Variants in VAV3 observed in about 807,000 individuals in gnomAD.
VAV3 encodes the protein vav guanine nucleotide exchange factor 3.
VAV3 carries 94 observed loss-of-function variants against 131.2 expected under a neutral mutation model. The observed-to-expected ratio is 0.72, with a 90% CI of 0.61 to 0.85. The LOEUF is 0.85. Among genes scored for constraint, VAV3 ranks in the 40% least tolerant of loss-of-function variants. VAV3 has a pLI of 0.00. For missense variants in VAV3, 939 were observed against 1,002.7 expected, an observed-to-expected ratio of 0.94 and a Z score of 0.86; for synonymous variants, 349 against 342.0, an observed-to-expected ratio of 1.02 and a Z score of -0.22.
At chr1:107,898,645 T>C (rs1671719386) in intron 1 of VAV3, among the ~76,000 whole-genome samples, 1 of 152,216 alleles carries the variant, frequency 6.6e-6, no homozygotes. Flanking sequence ...TAATATGTTT[T>C]ATTACACTTA....
chr1:107,934,514 C>T (rs1673615201), intron 1 of VAV3, among the ~76,000 whole-genome samples: 1 of 152,152 alleles, frequency 6.6e-6, no homozygotes, highest in African/African-American at 2.4e-5. Flanking sequence ...GTATTAGCAA[C>T]AATTACTTAA....
Position 107,853,578 on chromosome 1 carries a change from C to CA in VAV3, c.321+21322dup, listed in dbSNP as rs902524690. 8.3e-3 allele frequency among the ~76,000 whole-genome samples: 1,140 copies of CA among 136,574 alleles called. 13 individuals carry two copies. The highest frequency in any genetic ancestry group is 0.016 in the African/African-American group (599 of 37,230). The allele number at this position is 136,574 out of a possible 152,430, so 89.6% of individuals were successfully genotyped here. ...AGATCCTCCCCCATCCCTCAAGAAC[C>CA]AAAAAAAAAAAATTCATTTATAGTG... is the stretch of plus-strand genomic sequence containing the variant. On this transcript the variant is annotated intron_variant, in intron 2 of 26. Coordinates refer to ENST00000370056, the MANE Select transcript of VAV3 (RefSeq NM_006113.5).
intron 2 of VAV3, among the ~76,000 whole-genome samples, chr1:107,800,218 T>G (rs527541420): frequency 6.6e-6 from 1 of 152,280 alleles, no homozygotes; most frequent in South Asian, 2.1e-4. Context: ...GTCAGTAATA[T>G]AAGTGCTAGG....
Position 107,951,811 on chromosome 1 carries a change from C to CAA in VAV3, c.204+12853_204+12854dup, listed in dbSNP as rs57472214. On this transcript the variant is annotated intron_variant, in intron 1 of 26. Transcript: ENST00000370056. ...GTCAGAATGGCTATTATCAAAAAGT[C>CAA]AAAAAAAAAAACATGCTGACAAGAT... 8.8e-3 allele frequency among the ~76,000 whole-genome samples: 1,268 copies of CAA among 143,470 alleles called. 9 individuals carry two copies. Among genetic ancestry groups the CAA allele is most frequent in the Middle Eastern group, 0.036 (10 of 280 alleles). The allele number at this position is 143,470 out of a possible 152,430, so 94.1% of individuals were successfully genotyped here.
chr1:107,631,580 A>G (rs1476419966), intron 20 of VAV3, among the ~76,000 whole-genome samples: 3 of 148,180 alleles, frequency 2.0e-5, no homozygotes, highest in Non-Finnish European at 4.5e-5. Context: ...GCACCCATTA[A>G]CTCGTCATTT....
intron 25 of VAV3, among the ~76,000 whole-genome samples, 174 bp downstream of exon 25, chr1:107,596,038 T>C (rs1471263992): frequency 6.6e-6 from 1 of 152,188 alleles, no homozygotes; most frequent in Non-Finnish European, 1.5e-5. Context: ...TAATTAGACA[T>C]GTTCACAAGC....
At chr1:107,883,363 C>A (rs928901486) in intron 1 of VAV3, among the ~76,000 whole-genome samples, 4 of 152,158 alleles carry the variant, frequency 2.6e-5, no homozygotes, top group African/African-American at 9.7e-5. Context: ...GTAAAGAATA[C>A]ATCTATATTG....
chr1:107,642,539 C>T, intron 20 of VAV3, 80 bp downstream of exon 20: 1 of 1,541,608 alleles, frequency 6.5e-7, no homozygotes, highest in Non-Finnish European at 8.8e-7. Flanking sequence ...TGTGGACTCG[C>T]CCTGAATTCC....
At chr1:107,651,482 CT>C (rs1344890219) in intron 19 of VAV3, among the ~76,000 whole-genome samples, 1 of 133,282 alleles carries the variant, frequency 7.5e-6, no homozygotes, top group Non-Finnish European at 1.6e-5. Context: ...ATAGGTTGTG[CT>C]CTTTATCTCA....
At chr1:107,942,109 C>G (rs990547174) in intron 1 of VAV3, among the ~76,000 whole-genome samples, 2 of 152,140 alleles carry the variant, frequency 1.3e-5, no homozygotes, top group Admixed American at 1.3e-4. Flanking sequence ...ATGTTAACAC[C>G]TTGAAACTCA....
At chr1:107,595,891 C>T (rs974694905) in intron 25 of VAV3, among the ~76,000 whole-genome samples, 2 of 152,130 alleles carry the variant, frequency 1.3e-5, no homozygotes, top group South Asian at 2.1e-4. Flanking sequence ...TGACCTCACA[C>T]ATTACATGTA....
chr1:107,670,742 A>C (rs2101671066), intron 19 of VAV3, among the ~76,000 whole-genome samples: 1 of 152,306 alleles, frequency 6.6e-6, no homozygotes, highest in Non-Finnish European at 1.5e-5. Context: ...CTCAAATCTG[A>C]GTGCTTCACC....
At chr1:107,835,453 G>A (rs1290986770) in intron 2 of VAV3, among the ~76,000 whole-genome samples, 1 of 152,190 alleles carries the variant, frequency 6.6e-6, no homozygotes, top group Non-Finnish European at 1.5e-5. Context: ...ACACTGAGAA[G>A]AGTGAGATGT....
intron 6 of VAV3, among the ~76,000 whole-genome samples, 168 bp from the exon 7 acceptor site, chr1:107,768,677 GAATA>G (rs1175336631): frequency 1.3e-5 from 2 of 152,118 alleles, no homozygotes; most frequent in African/African-American, 4.8e-5. Context: ...CTTTACACTT[GAATA>G]GATATATAAA....
intron 3 of VAV3, 122 bp from the exon 4 acceptor site, chr1:107,777,418 A>T: frequency 2.4e-6 from 2 of 837,864 alleles, no homozygotes; most frequent in Non-Finnish European, 3.8e-6. Context: ...TGGTCAGATC[A>T]GTCACCATGT....
chr1:107,874,941 A>G lies in VAV3; in HGVS notation c.281T>C (p.Phe94Ser), dbSNP rs774017063. The G allele has an allele frequency of 3.7e-6, 6 of 1,613,424 alleles. No homozygotes were observed. The highest frequency in any genetic ancestry group is 5.1e-6 in the Non-Finnish European group (6 of 1,179,570). Residue 94 changes from phenylalanine (F) to serine (S), a missense_variant, in exon 2 of 27, where the codon TTC (phenylalanine) becomes TCC (serine). By Grantham distance (155) the Phe-to-Ser change is radical. Coordinates refer to ENST00000370056, the MANE Select transcript of VAV3 (RefSeq NM_006113.5). ...ETFGMRKSEL[F>S]EAFDLFDVRD... is the part of the protein sequence containing the mutation. ...AACATCAAACAAGTCAAATGCCTCG[A>G]AAAGTTCACTTTTCCTCATTCCAAA...
intron 18 of VAV3, among the ~76,000 whole-genome samples, chr1:107,685,152 AG>A (rs1489276665): frequency 5.9e-5 from 9 of 152,208 alleles, no homozygotes; most frequent in Admixed American, 4.6e-4. Flanking sequence ...AAATGTGAAA[AG>A]GGGACCCTGA....
chr1:107,846,706 A>G (rs970589748), intron 2 of VAV3, among the ~76,000 whole-genome samples: 2 of 152,224 alleles, frequency 1.3e-5, no homozygotes, highest in African/African-American at 4.8e-5. Context: ...AAAGGGATAA[A>G]TGCAACAAGA....
intron 10 of VAV3, among the ~76,000 whole-genome samples, chr1:107,757,641 C>T (rs1418642273): frequency 1.3e-5 from 2 of 152,140 alleles, no homozygotes; most frequent in African/African-American, 4.8e-5. Context: ...ACACTTTTTA[C>T]TCATTTATTA....
Sources: allele counts gnomAD v4.1 joint callset (sites outside exome capture counted in the v4.1 genomes callset), GRCh38; gene constraint gnomAD v4.1.1; transcripts MANE v1.5; gene names NCBI Gene and HGNC (gene_info 2026-07-23, HGNC 2026-07-21).